The following TPTE2 variants were observed in gnomAD, a reference collection of about 807,000 sequenced individuals.
TPTE2 encodes transmembrane phosphoinositide 3-phosphatase and tensin homolog 2.
A neutral mutation model predicts 78.6 loss-of-function variants in TPTE2; 53 were observed. The ratio of observed to expected loss-of-function variants is 0.67; its 90% CI spans 0.54 to 0.85. The LOEUF (loss-of-function observed/expected upper bound fraction) is 0.85, where lower values mean the gene tolerates loss of function less well. Among genes scored for constraint, TPTE2 ranks in the 40% least tolerant of loss-of-function variants. TPTE2 has a pLI of 0.00. For synonymous variants in TPTE2, 175 were observed against 206.2 expected (o/e 0.85, Z 1.30); for missense variants, 461 against 623.0 (o/e 0.74, Z 2.77).
the TPTE2 span, among the ~76,000 whole-genome samples, chr13:19,546,586 T>G: frequency 7.1e-6 from 1 of 140,156 alleles, no homozygotes; most frequent in East Asian, 2.5e-4. Flanking sequence ...GCCTCCTGGG[T>G]TCAAGCAATT....
At chr13:19,515,791 T>G (rs946586455) in intron 1 of TPTE2, among the ~76,000 whole-genome samples, 1 of 152,224 alleles carries the variant, frequency 6.6e-6, no homozygotes, top group Non-Finnish European at 1.5e-5. Flanking sequence ...AGCAGCCTTA[T>G]TAAATGATTA....
At chr13:19,427,522 C>G (rs946580654) in intron 17 of TPTE2, among the ~76,000 whole-genome samples, 2 of 152,058 alleles carry the variant, frequency 1.3e-5, no homozygotes, top group Non-Finnish European at 2.9e-5. Context: ...CATTAAGAAG[C>G]TCAATTTTAA....
the TPTE2 span, among the ~76,000 whole-genome samples, chr13:19,549,953 G>A: frequency 1.1e-5 from 1 of 87,122 alleles, no homozygotes; most frequent in Non-Finnish European, 3.1e-5. Flanking sequence ...TAAACACCAA[G>A]TACATATAGG....
chr13:19,557,522 G>A, the TPTE2 span, among the ~76,000 whole-genome samples: 1 of 152,200 alleles, frequency 6.6e-6, no homozygotes, highest in Non-Finnish European at 1.5e-5. Context: ...AGGCAGCTTA[G>A]AGACGGGAGG....
At chr13:19,551,779 A>C in the TPTE2 span, among the ~76,000 whole-genome samples, 1 of 152,144 alleles carries the variant, frequency 6.6e-6, no homozygotes, top group Non-Finnish European at 1.5e-5. Context: ...TCAAAAATTA[A>C]GATATTACAA....
At chr13:19,540,288 T>TTATTA (rs1186175783), upstream of TPTE2, among the ~76,000 whole-genome samples, 1 of 148,466 alleles carries the variant, frequency 6.7e-6, no homozygotes, top group East Asian at 2.0e-4. Context: ...CTCATTATTA[T>TTATTA]TATTATTATT....
At chr13:19,481,173 C>T (rs1347120158) in intron 4 of TPTE2, among the ~76,000 whole-genome samples, 1 of 152,156 alleles carries the variant, frequency 6.6e-6, no homozygotes, top group Admixed American at 6.5e-5. Flanking sequence ...TTAAGAATGA[C>T]TATATGTGGT....
At chr13:19,482,023 T>G (rs1178151094) in intron 4 of TPTE2, among the ~76,000 whole-genome samples, 2 of 152,034 alleles carry the variant, frequency 1.3e-5, no homozygotes, top group Non-Finnish European at 2.9e-5. Context: ...CTAGTGAGAT[T>G]AGAAACAAAT....
chr13:19,467,480 G>C (rs1879340939), intron 6 of TPTE2, 136 bp from the exon 10 acceptor site: 20 of 735,006 alleles, frequency 2.7e-5, no homozygotes, highest in Non-Finnish European at 3.7e-5. Flanking sequence ...GTATTTTCTA[G>C]AGTAGACTAA....
chr13:19,529,376 C>T (rs1482884601), intron 1 of TPTE2, among the ~76,000 whole-genome samples: 5 of 152,142 alleles, frequency 3.3e-5, no homozygotes, highest in Admixed American at 1.3e-4. Flanking sequence ...ATCCGCCCGC[C>T]TCAGCCTCCC....
intron 1 of TPTE2, among the ~76,000 whole-genome samples, chr13:19,532,462 G>A (rs1032046539): frequency 6.6e-6 from 1 of 152,284 alleles, no homozygotes; most frequent in African/African-American, 2.4e-5. Flanking sequence ...CAGTCAAGAT[G>A]CCATCTTGGA....
At chr13:19,526,787 T>C (rs1323870811) in intron 1 of TPTE2, among the ~76,000 whole-genome samples, 1 of 152,146 alleles carries the variant, frequency 6.6e-6, no homozygotes, top group African/African-American at 2.4e-5. Context: ...TCTATTTGTA[T>C]ATAAAAATGG....
At chr13:19,494,813 G>A (rs1881211595) in intron 1 of TPTE2, among the ~76,000 whole-genome samples, 1 of 152,212 alleles carries the variant, frequency 6.6e-6, no homozygotes, top group African/African-American at 2.4e-5. Flanking sequence ...GGCAGAGTCA[G>A]ACACAATGCG....
At chr13:19,536,560 A>C (rs1342152887) in intron 1 of TPTE2, 2 of 152,158 alleles carry the variant, frequency 1.3e-5, no homozygotes, top group African/African-American at 4.8e-5. Flanking sequence ...ATTTTATAAA[A>C]TACTATTATA....
At chr13:19,453,745 G>C (rs560342511) in intron 10 of TPTE2, among the ~76,000 whole-genome samples, 17 of 152,140 alleles carry the variant, frequency 1.1e-4, no homozygotes, top group African/African-American at 4.1e-4. Flanking sequence ...GACAGTTTCT[G>C]TTTTCAGCCA....
intron 13 of TPTE2, among the ~76,000 whole-genome samples, chr13:19,443,111 A>G (rs1877595247): frequency 6.6e-6 from 1 of 152,082 alleles, no homozygotes; most frequent in South Asian, 2.1e-4. Flanking sequence ...ATGAATTTGA[A>G]AATCCTAAAC....
intron 16 of TPTE2, among the ~76,000 whole-genome samples, chr13:19,432,188 A>AT (rs1876695528): frequency 5.3e-5 from 1 of 18,850 alleles, no homozygotes; most frequent in Admixed American, 7.1e-4. Context: ...GGAAAAGTCC[A>AT]CCTGGGTTGA....
At chr13:19,423,100 G>A (rs1303879038) in exon 20 of TPTE2, 4 of 1,612,304 alleles carry the variant, frequency 2.5e-6, no homozygotes, top group Non-Finnish European at 3.4e-6. Context: ...GCAAATTCTG[G>A]TGGATAAATT....
chr13:19,515,394 A>T (rs1193991934), intron 1 of TPTE2, among the ~76,000 whole-genome samples: 1 of 152,212 alleles, frequency 6.6e-6, no homozygotes, highest in Non-Finnish European at 1.5e-5. Context: ...CTTTAAGAAA[A>T]GTTCTCCTAC....
Sources: gnomAD v4.1 joint callset for allele counts (sites outside exome capture counted in the v4.1 genomes callset) on GRCh38, gnomAD v4.1.1 for gene constraint, MANE v1.5 for transcripts, NCBI Gene and HGNC (gene_info 2026-07-23, HGNC 2026-07-21) for gene names.